CROT: variants seen among roughly 807,000 people sequenced by gnomAD.
The protein encoded by CROT is peroxisomal carnitine O-octanoyltransferase.
In CROT, 84 loss-of-function variants were observed where a neutral mutation model predicts 89.2. The observed-to-expected ratio is 0.94, with a 90% CI of 0.79 to 1.13. CROT has a LOEUF of 1.13. Among genes scored for constraint, CROT ranks in the 50% most tolerant of loss-of-function variants. CROT has a pLI of 0.00. For missense variants in CROT, 711 were observed against 727.8 expected (o/e 0.98, Z 0.27); for synonymous variants, 212 against 239.5 (o/e 0.89, Z 1.06).
rs773337020 is a variant in CROT, at chr7:87,392,790, C to T, written c.1565C>T (p.Pro522Leu). ...GCAAAAGAGGAAGGTCTTCCTGTTC[C>T]AGAACTCTTTACGGACCCACTTTTT... is the stretch of plus-strand genomic sequence containing the variant. ...LIAKEEGLPV[P>L]ELFTDPLFSK... Residue 522 changes from proline (P) to leucine (L), a missense_variant, in exon 16 of 18, where the codon CCA becomes CTA. Coordinates refer to ENST00000331536, the MANE Select transcript of CROT (RefSeq NM_021151.4). 3.3e-5 allele frequency: 54 copies of T among 1,613,554 alleles called. No homozygotes were observed. The highest frequency in any genetic ancestry group is 4.5e-5 in the East Asian group (2 of 44,866).
intron 6 of CROT, among the ~76,000 whole-genome samples, chr7:87,362,928 C>A (rs1479686538): frequency 6.6e-6 from 1 of 152,014 alleles, no homozygotes; most frequent in African/African-American, 2.4e-5. Flanking sequence ...CTCAAGCCCA[C>A]ATATATTTAC....
intron 17 of CROT, among the ~76,000 whole-genome samples, chr7:87,393,319 C>A (rs748801817): frequency 3.3e-5 from 5 of 152,118 alleles, no homozygotes; most frequent in Non-Finnish European, 7.4e-5. Flanking sequence ...GCAATCATAT[C>A]ATCATCCTCA....
intron 3 of CROT, among the ~76,000 whole-genome samples, chr7:87,351,045 A>G (rs1413179386): frequency 6.6e-6 from 1 of 152,120 alleles, no homozygotes; most frequent in Non-Finnish European, 1.5e-5. Flanking sequence ...GTGGTAGCTC[A>G]CACCTGTAAT....
rs75012341 is a variant in CROT at position 87,356,356 on chromosome 7, G to A, written c.116-2850G>A. ...TTTTTATTTTTGTTTTTGTTTGTTTGTTTTGCCTTTTCACATTTTGTTTTT... is the reference window on the plus strand; with the variant it reads ...TTTTTATTTTTGTTTTTGTTTGTTTATTTTGCCTTTTCACATTTTGTTTTT... On this transcript the variant is annotated intron_variant, in intron 3 of 17. Transcript: ENST00000331536. Among the ~76,000 whole-genome samples, 806 of 152,138 alleles carry A rather than the reference G, an allele frequency of 5.3e-3. 6 individuals are homozygous for A. Among genetic ancestry groups the A allele is most frequent in the African/African-American group, 0.018 (753 of 41,504 alleles).
intron 3 of CROT, chr7:87,357,601 G>T: frequency 9.9e-7 from 1 of 1,011,594 alleles, no homozygotes; most frequent in South Asian, 1.4e-5. Flanking sequence ...GTGAGTTGCA[G>T]AGTGCAGTGA....
intron 17 of CROT, among the ~76,000 whole-genome samples, chr7:87,397,244 G>A (rs904347158): frequency 3.1e-4 from 47 of 150,782 alleles, no homozygotes; most frequent in African/African-American, 1.1e-3. Flanking sequence ...TGAGTTACTT[G>A]GGAACCTGAG....
chr7:87,378,194 A>G (rs895437957), intron 10 of CROT, among the ~76,000 whole-genome samples: 1 of 151,898 alleles, frequency 6.6e-6, no homozygotes, highest in Non-Finnish European at 1.5e-5. Context: ...AAATACAAAA[A>G]TTAGCCTCAC....
At chr7:87,349,240 A>G (rs1562925476) in intron 3 of CROT, 57 bp downstream of exon 3, 1 of 834,840 alleles carries the variant, frequency 1.2e-6, no homozygotes, top group African/African-American at 1.8e-5. Flanking sequence ...GAAAACTGTG[A>G]TACTGTTGCT....
At chr7:87,349,428 A>C (rs769101996) in intron 3 of CROT, among the ~76,000 whole-genome samples, 4 of 152,188 alleles carry the variant, frequency 2.6e-5, no homozygotes, top group Non-Finnish European at 4.4e-5. Flanking sequence ...TTTTTCTTAC[A>C]TAGGGGTCTT....
intron 17 of CROT, among the ~76,000 whole-genome samples, chr7:87,393,965 A>G (rs1418692210): frequency 6.6e-6 from 1 of 152,198 alleles, no homozygotes; most frequent in Non-Finnish European, 1.5e-5. Context: ...TCATGAATGC[A>G]TAAAATATAT....
intron 10 of CROT, among the ~76,000 whole-genome samples, chr7:87,377,975 T>C (rs1200346859): frequency 1.3e-5 from 2 of 152,154 alleles, no homozygotes; most frequent in African/African-American, 4.8e-5. Flanking sequence ...TCCCCTCCCA[T>C]GGACATCTTC....
rs746599200 is a variant in CROT at position 87,359,373 on chromosome 7, GATAA to G, written c.240+49_240+52del. On this transcript the variant is annotated intron_variant, in intron 4 of 17. Coordinates refer to ENST00000331536, the MANE Select transcript of CROT (RefSeq NM_021151.4). ...TGAATAATGATGATGTTTAAAGAAT[GATAA>G]ATAAAAAGTGCATAGTTTTTATTTT... 9 of 1,536,536 alleles carry G rather than the reference GATAA, an allele frequency of 5.9e-6. No homozygotes were observed. The South Asian group carries it at 7.6e-5, about 13-fold the overall frequency.
chr7:87,359,220 A>C lies in CROT; in HGVS notation c.130A>C (p.Asn44His), dbSNP rs748634233. The change falls in exon 4 of 18, where the codon AAT becomes CAT. Residue 44 changes from asparagine to histidine, a missense_variant. Physicochemically the swap from Asn to His is moderately conservative, Grantham distance 68. Transcript: ENST00000331536. ...TTCCTTTCTAGTGAAACCATTTGCA[A>C]ATCAAGAAGAATATAAGAAAACTGA... ...KYLESVKPFA[N>H]QEEYKKTEEI... The C allele has an allele frequency of 5.7e-6, 9 of 1,580,308 alleles. No individual in the cohort carries two copies. In the African/African-American group the frequency reaches 1.2e-4, roughly 21 times the overall value.
chr7:87,386,300 C>A (rs1807181029), intron 13 of CROT, among the ~76,000 whole-genome samples: 1 of 152,094 alleles, frequency 6.6e-6, no homozygotes, highest in African/African-American at 2.4e-5. Flanking sequence ...AGGTCCTAAG[C>A]TTTTGCTTAA....
At chr7:87,379,913 C>G (rs1356428761) in intron 10 of CROT, among the ~76,000 whole-genome samples, 1 of 152,044 alleles carries the variant, frequency 6.6e-6, no homozygotes, top group Non-Finnish European at 1.5e-5. Context: ...CAGTTCAGCA[C>G]CAGCTTGGGC....
rs1806558225 is a variant in CROT at position 87,369,502 on chromosome 7, T to C, written c.656+18T>C. 6.5e-7 allele frequency: 1 copy of C among 1,542,252 alleles called. No individual in the cohort carries two copies. Among genetic ancestry groups the C allele is most frequent in the Non-Finnish European group, 9.0e-7 (1 of 1,116,836 alleles). On this transcript the variant is annotated intron_variant, in intron 7 of 17. Transcript: ENST00000331536. ...CTTCTCAGGTTTTCAGACTACTTTC[T>C]TGAGTTTCATTAGGTCTTATGGTGT...
At chr7:87,349,644 A>G (rs1301265580) in intron 3 of CROT, among the ~76,000 whole-genome samples, 1 of 152,166 alleles carries the variant, frequency 6.6e-6, no homozygotes, top group East Asian at 1.9e-4. Flanking sequence ...TGTCATTGTA[A>G]GTATCTTTAG....
At chr7:87,380,612 TA>T (rs1228472464) in intron 10 of CROT, among the ~76,000 whole-genome samples, 5 of 152,168 alleles carry the variant, frequency 3.3e-5, no homozygotes, top group Non-Finnish European at 5.9e-5. Flanking sequence ...AAATGAAAGG[TA>T]AAAATTATGT....
chr7:87,361,518 A>G lies in CROT; in HGVS notation c.369A>G (p.Glu123=), dbSNP rs780481683. ...YWPPKEGTQL[E]RGSITLWHNL... ...CTCCAAAGGAAGGGACTCAATTAGAAAGAGGAAGTATAACTCTTTGGCATA... is the reference window on the plus strand; with the variant it reads ...CTCCAAAGGAAGGGACTCAATTAGAGAGAGGAAGTATAACTCTTTGGCATA... Residue 123 remains glutamate, a synonymous_variant, in exon 5 of 18, where the codon GAA becomes GAG. Transcript: ENST00000331536. The G allele has an allele frequency of 5.0e-6, 8 of 1,611,874 alleles. No individual in the cohort carries two copies. The highest frequency in any genetic ancestry group is 6.8e-6 in the Non-Finnish European group (8 of 1,179,446).
Sources: allele counts gnomAD v4.1 joint callset (sites outside exome capture counted in the v4.1 genomes callset), GRCh38; gene constraint gnomAD v4.1.1; transcripts MANE v1.5; gene names NCBI Gene and HGNC (gene_info 2026-07-23, HGNC 2026-07-21).